Variants in SLIT3 observed in about 807,000 individuals in gnomAD.
SLIT3 encodes the protein slit guidance ligand 3, also known as slit homolog 3 protein.
In SLIT3, 68 loss-of-function variants were observed where a neutral mutation model predicts 184.0. The ratio of observed to expected loss-of-function variants is 0.37; its 90% CI spans 0.30 to 0.45. SLIT3 has a LOEUF of 0.45. Ranked by LOEUF, SLIT3 falls within the 20% of genes least tolerant of loss-of-function variation. The probability of loss-of-function intolerance (pLI) is 1.00; values close to 1 mark genes in which losing one functional copy is unlikely to be tolerated. For synonymous variants in SLIT3, 831 were observed against 828.6 expected (o/e 1.00, Z -0.05); for missense variants, 1,707 against 2,026.0 (o/e 0.84, Z 3.02).
intron 20 of SLIT3, among the ~76,000 whole-genome samples, chr5:168,738,393 C>T (rs956589412): frequency 6.6e-6 from 1 of 152,100 alleles, no homozygotes; most frequent in African/African-American, 2.4e-5. Flanking sequence ...TTTGTATTAA[C>T]ATTCAACTCT....
chr5:169,025,859 T>C (rs185047446), intron 4 of SLIT3, among the ~76,000 whole-genome samples: 1 of 152,332 alleles, frequency 6.6e-6, no homozygotes, highest in African/African-American at 2.4e-5. Flanking sequence ...CTGCACTTTG[T>C]ATTATCTGTT....
At chr5:168,743,685 C>G (rs1763708791) in intron 20 of SLIT3, among the ~76,000 whole-genome samples, 1 of 152,146 alleles carries the variant, frequency 6.6e-6, no homozygotes, top group African/African-American at 2.4e-5. Flanking sequence ...GAAGACATAT[C>G]AAAAACGAAG....
intron 4 of SLIT3, among the ~76,000 whole-genome samples, chr5:168,915,430 G>A (rs1178050445): frequency 6.6e-6 from 1 of 151,994 alleles, no homozygotes; most frequent in Non-Finnish European, 1.5e-5. Context: ...CCAATCGAGA[G>A]GTTCCTCGTA....
At chr5:169,153,181 C>T (rs1222589958) in intron 4 of SLIT3, among the ~76,000 whole-genome samples, 4 of 152,218 alleles carry the variant, frequency 2.6e-5, no homozygotes, top group South Asian at 2.1e-4. Flanking sequence ...CAAGCTATGT[C>T]GCCCACCCCT....
intron 1 of SLIT3, among the ~76,000 whole-genome samples, chr5:169,294,308 C>T (rs1481535726): frequency 6.7e-6 from 1 of 150,096 alleles, no homozygotes; most frequent in Non-Finnish European, 1.5e-5. Context: ...AAAACCCACC[C>T]CCCAAAAATA....
chr5:169,294,273 AAGTC>A (rs1251208022), intron 1 of SLIT3, among the ~76,000 whole-genome samples: 4 of 152,056 alleles, frequency 2.6e-5, no homozygotes, highest in African/African-American at 9.6e-5. Flanking sequence ...AAAAAAAAAA[AAGTC>A]AGGGCCAAAA....
chr5:169,049,039 G>A (rs777455169), intron 4 of SLIT3, among the ~76,000 whole-genome samples: 4 of 152,078 alleles, frequency 2.6e-5, no homozygotes, highest in Admixed American at 6.6e-5. Context: ...GAGAATAGTC[G>A]GGCAGTTTCT....
intron 6 of SLIT3, among the ~76,000 whole-genome samples, chr5:168,824,007 G>C (rs1172691317): frequency 6.6e-6 from 1 of 152,180 alleles, no homozygotes; most frequent in Non-Finnish European, 1.5e-5. Flanking sequence ...GGAGTGCAGT[G>C]GCACGATCTC....
chr5:168,847,623 G>A (rs1258508021), intron 5 of SLIT3, among the ~76,000 whole-genome samples: 2 of 152,154 alleles, frequency 1.3e-5, no homozygotes, highest in Admixed American at 6.5e-5. Flanking sequence ...GTTCAGACAG[G>A]TTTCTTTTTC....
At chr5:169,088,801 C>T (rs1163165264) in intron 4 of SLIT3, among the ~76,000 whole-genome samples, 1 of 151,928 alleles carries the variant, frequency 6.6e-6, no homozygotes, top group African/African-American at 2.4e-5. Context: ...GGGCAGATCA[C>T]CTGAGGCCAG....
rs556500328 is a variant in SLIT3 at position 169,251,683 on chromosome 5, C to A, written c.198-224G>T. 3.3e-5 allele frequency among the ~76,000 whole-genome samples: 5 copies of A among 152,298 alleles called. No homozygotes were observed. The East Asian group carries it at 9.6e-4, about 29-fold the overall frequency. ...TCTTTTATATGTAACTGCCTGCCTT[C>A]TGTGGTCCCTTCTTTAGGTAACAAA... is the stretch of plus-strand genomic sequence containing the variant. On this transcript the variant is annotated intron_variant, in intron 1 of 35. Coordinates refer to ENST00000519560, the MANE Select transcript of SLIT3 (RefSeq NM_003062.4).
At chr5:168,844,207 G>T (rs1011636949) in intron 6 of SLIT3, among the ~76,000 whole-genome samples, 1 of 152,086 alleles carries the variant, frequency 6.6e-6, no homozygotes, top group Non-Finnish European at 1.5e-5. Context: ...CTCCCAGTGT[G>T]CCCGCACTCA....
chr5:168,694,150 C>A (rs1489083277), intron 28 of SLIT3, among the ~76,000 whole-genome samples: 1 of 152,142 alleles, frequency 6.6e-6, no homozygotes, highest in Non-Finnish European at 1.5e-5. Context: ...ACGGCAGACA[C>A]CAGGTAGGCC....
At chr5:169,222,982 C>A (rs1764666893) in intron 3 of SLIT3, among the ~76,000 whole-genome samples, 1 of 152,296 alleles carries the variant, frequency 6.6e-6, no homozygotes, top group South Asian at 2.1e-4. Context: ...ACCGGAGAAA[C>A]TAGACGCTAC....
Position 168,673,458 on chromosome 5 carries a change from A to AACTT in SLIT3, c.3687-131_3687-128dup, listed in dbSNP as rs145991020. The AACTT allele has an allele frequency of 9.2e-3, 8,162 of 889,908 alleles. 432 individuals are homozygous for AACTT. The African/African-American group carries it at 0.12, about 13-fold the overall frequency. The allele number at this position is 889,908 out of a possible 1,614,324, so 55.1% of individuals were successfully genotyped here. A position where few individuals can be genotyped will look rare whatever the true frequency, so the allele number is the denominator to read the frequency against. ...TACTTTTTATTTGGAAATAACTTTA[A>AACTT]ACTTACATAAGTTGCAAAAATAAAA... On this transcript the variant is annotated intron_variant, in intron 32 of 35. Transcript: ENST00000519560.
intron 20 of SLIT3, among the ~76,000 whole-genome samples, chr5:168,732,293 C>T (rs1308853330): frequency 6.6e-6 from 1 of 152,048 alleles, no homozygotes; most frequent in Non-Finnish European, 1.5e-5. Context: ...CTACAAAACA[C>T]TGATGGAAGA....
intron 20 of SLIT3, among the ~76,000 whole-genome samples, chr5:168,743,370 T>G (rs1763699486): frequency 6.6e-6 from 1 of 152,228 alleles, no homozygotes; most frequent in Non-Finnish European, 1.5e-5. Context: ...TATTTAAAAC[T>G]TTTTCATTAT....
intron 4 of SLIT3, among the ~76,000 whole-genome samples, chr5:169,146,372 G>A (rs960346074): frequency 7.9e-5 from 12 of 152,214 alleles, no homozygotes; most frequent in South Asian, 2.1e-4. Context: ...AACCAATGGC[G>A]GTTTTCTCTT....
intron 4 of SLIT3, among the ~76,000 whole-genome samples, chr5:168,907,108 G>A (rs556528580): frequency 1.3e-5 from 2 of 152,258 alleles, no homozygotes; most frequent in Admixed American, 6.5e-5. Context: ...CAATCCACTC[G>A]CCTTGGCCTC....
Sources: allele counts gnomAD v4.1 joint callset (sites outside exome capture counted in the v4.1 genomes callset), GRCh38; gene constraint gnomAD v4.1.1; transcripts MANE v1.5; gene names NCBI Gene and HGNC (gene_info 2026-07-23, HGNC 2026-07-21).